The following CREBBP variants were observed in gnomAD, a reference collection of about 807,000 sequenced individuals.
The protein encoded by CREBBP is CREB-binding protein.
Under a neutral mutation model 265.0 loss-of-function variants are expected in CREBBP, and 19 were observed. The ratio of observed to expected loss-of-function variants is 0.07; its 90% confidence interval spans 0.05 to 0.11. CREBBP has a LOEUF of 0.11. Among genes scored for constraint, CREBBP ranks in the 10% least tolerant of loss-of-function variants. The pLI is 1.00. For synonymous variants in CREBBP, 1,457 were observed against 1,223.7 expected, an observed-to-expected ratio of 1.19 and a Z score of -3.98; for missense variants, 2,525 against 3,219.0, an observed-to-expected ratio of 0.78 and a Z score of 5.22.
intron 8 of CREBBP, among the ~76,000 whole-genome samples, chr16:3,779,458 G>A (rs1255815184): frequency 1.3e-5 from 2 of 152,150 alleles, no homozygotes; most frequent in African/African-American, 4.8e-5. Flanking sequence ...ACACGTGGGG[G>A]CCACTGCACC....
chr16:3,774,736 A>G (rs1311254318), intron 11 of CREBBP, 43 bp from the exon 12 acceptor site: 1 of 1,613,560 alleles, frequency 6.2e-7, no homozygotes, highest in African/African-American at 1.3e-5. Context: ...AAGCACCCAC[A>G]GGAAAACAGA....
In CREBBP at chr16:3,880,325, C is replaced by A; in HGVS notation, c.-409G>T. On this transcript the variant is annotated 5_prime_UTR_variant, in exon 1 of 31. Transcript: ENST00000262367. ...GTGCCGCCGCCGCCGCCGCCTCGCT[C>A]CCCCCCCGCGCCCCACTTAATGAAT... 1 of 139,750 alleles carries A rather than the reference C, an allele frequency of 7.2e-6. No homozygotes were observed. Among genetic ancestry groups the A allele is most frequent in the South Asian group, 1.9e-4 (1 of 5,354 alleles). 8.7% of individuals were successfully genotyped at this position (139,750 alleles called of 1,614,324 possible).
rs1046675041 is a variant in CREBBP at position 3,736,952 on chromosome 16, G to A, written c.4395-137C>T. 8 of 1,072,488 alleles carry A rather than the reference G, an allele frequency of 7.5e-6. No homozygotes were observed. The Admixed American group carries it at 7.9e-5, about 11-fold the overall frequency. 66.4% of individuals were successfully genotyped at this position (1,072,488 alleles called of 1,614,324 possible). A position where few individuals can be genotyped will look rare whatever the true frequency, so the allele number is the denominator to read the frequency against. On this transcript the variant is annotated intron_variant, in intron 26 of 30. Coordinates refer to ENST00000262367, the MANE Select transcript of CREBBP (RefSeq NM_004380.3). ...AGAGAGAATGAATGCCCACAAAGCT[G>A]GGTGTGGTGGGGGCAAGGCTCGAAC...
intron 28 of CREBBP, among the ~76,000 whole-genome samples, chr16:3,735,052 A>C (rs1423642554): frequency 1.3e-5 from 2 of 152,004 alleles, no homozygotes; most frequent in African/African-American, 2.4e-5. Flanking sequence ...TACAGCCCAC[A>C]CCCACGCCAC....
At position 3,732,957 on chromosome 16, in the gene CREBBP, C is replaced by T. The variant is rs148636219; in HGVS notation, c.4729-1020G>A. ...TCGGGTGATCCGCCCGCCTGAGCCTCCCAAAGTGCTGAGATTACAGGCATG... is the reference window on the plus strand; with the variant it reads ...TCGGGTGATCCGCCCGCCTGAGCCTTCCAAAGTGCTGAGATTACAGGCATG... On this transcript the variant is annotated intron_variant, in intron 28 of 30. Transcript: ENST00000262367. Among the ~76,000 whole-genome samples the T allele has an allele frequency of 8.6e-3, 1,312 of 152,152 alleles. 59 individuals are homozygous for T. The East Asian group carries it at 0.11, about 13-fold the overall frequency.
At chr16:3,849,068 A>C (rs1178835293) in intron 2 of CREBBP, among the ~76,000 whole-genome samples, 39 of 152,108 alleles carry the variant, frequency 2.6e-4, no homozygotes. Context: ...GGACTAAACA[A>C]ATCCAAAGAA....
intron 2 of CREBBP, among the ~76,000 whole-genome samples, chr16:3,838,230 C>A (rs943278678): frequency 1.1e-4 from 16 of 152,110 alleles, no homozygotes; most frequent in African/African-American, 3.9e-4. Flanking sequence ...ATTGTGGCAC[C>A]GTGTTACAAC....
intron 1 of CREBBP, among the ~76,000 whole-genome samples, chr16:3,864,794 T>C (rs1447748278): frequency 1.3e-5 from 2 of 152,254 alleles, no homozygotes; most frequent in African/African-American, 4.8e-5. Context: ...TGGCTGGGCA[T>C]GGTGGTTCAC....
Position 3,728,531 on chromosome 16 carries a change from G to A in CREBBP, c.6516C>T (p.Asn2172=), listed in dbSNP as rs763852812. Reference sequence around the variant, plus strand: ...TGGGGTTGTGTCCTGGGTTCATGATGTTCAAGGCCTGGCCCTGGGGGTTCA... The same window carrying A: ...TGGGGTTGTGTCCTGGGTTCATGATATTCAAGGCCTGGCCCTGGGGGTTCA... ...GGLNPQGQAL[N]IMNPGHNPNM... Residue 2172 remains asparagine (N), a synonymous_variant, in exon 31 of 31, where the codon AAC becomes AAT. Transcript: ENST00000262367. This position sits in a 1 kb window ranked among gnomAD's most constrained non-coding sequence, Gnocchi z 8.7. 10 of 1,613,966 alleles carry A rather than the reference G, an allele frequency of 6.2e-6. No individual in the cohort carries two copies. The African/African-American group carries it at 1.1e-4, about 17-fold the overall frequency.
chr16:3,821,620 C>A (rs906984330), intron 2 of CREBBP, among the ~76,000 whole-genome samples: 1 of 152,102 alleles, frequency 6.6e-6, no homozygotes, highest in Admixed American at 6.5e-5. Context: ...AGTAGACTCT[C>A]TTCAGGATTA....
chr16:3,746,704 G>A (rs937416428), intron 21 of CREBBP, among the ~76,000 whole-genome samples: 4 of 152,160 alleles, frequency 2.6e-5, no homozygotes, highest in African/African-American at 9.7e-5. Flanking sequence ...CCTAGCATGT[G>A]GAGAGGCTGG....
In CREBBP at chr16:3,729,231, G is replaced by A. The variant is rs1177039725; in HGVS notation, c.5816C>T (p.Thr1939Ile). Reference protein sequence around the residue: ...PPTTVSTGKPTSQVPAPPPPA... With the variant: ...PPTTVSTGKPISQVPAPPPPA... ...GGGTGGGGGGGCCGGCACCTGGCTG[G>A]TAGGCTTCCCTGTGGACACCGTGGT... The change falls in exon 31 of 31, where the codon ACC (threonine) becomes ATC (isoleucine). Residue 1939 changes from threonine (T) to isoleucine (I), a missense_variant. Around this residue, in one of 19 missense-constraint regions of CREBBP, gnomAD observed 275 missense variants for 276.5 expected, o/e 0.99. Transcript: ENST00000262367. 4.6e-6 allele frequency: 7 copies of A among 1,529,878 alleles called. No individual in the cohort carries two copies. The highest frequency in any genetic ancestry group is 6.1e-6 in the Non-Finnish European group (7 of 1,143,956). The allele number at this position is 1,529,878 out of a possible 1,614,324, so 94.8% of individuals were successfully genotyped here. A position where few individuals can be genotyped will look rare whatever the true frequency, so the allele number is the denominator to read the frequency against.
intron 2 of CREBBP, among the ~76,000 whole-genome samples, chr16:3,814,929 A>G (rs1679141750): frequency 6.6e-6 from 1 of 152,222 alleles, no homozygotes; most frequent in Admixed American, 6.5e-5. Flanking sequence ...TAAAGAGGTC[A>G]GCTCTCTCAC....
Position 3,793,296 on chromosome 16 carries a change from G to T in CREBBP, c.1216+90C>A, listed in dbSNP as rs947027190. On this transcript the variant is annotated intron_variant, in intron 4 of 30. Coordinates refer to ENST00000262367, the MANE Select transcript of CREBBP (RefSeq NM_004380.3). ...ATGGAAGGCAGCACTCAGGCTGCCG[G>T]AGCCTTATGAACCAGAGAGCTGCTG... is the stretch of plus-strand genomic sequence containing the variant. 5 of 1,573,308 alleles carry T rather than the reference G, an allele frequency of 3.2e-6. No homozygotes were observed. The African/African-American group carries it at 6.7e-5, about 21-fold the overall frequency.
chr16:3,738,072 C>T (rs1009159603), intron 26 of CREBBP, among the ~76,000 whole-genome samples: 2 of 151,388 alleles, frequency 1.3e-5, no homozygotes, highest in Admixed American at 6.6e-5. Flanking sequence ...AGGTGTGAGC[C>T]ACCGCGCCCG....
chr16:3,761,582 C>A (rs2052719128), intron 16 of CREBBP: 1 of 518,582 alleles, frequency 1.9e-6, no homozygotes. Flanking sequence ...TCTTGACCAA[C>A]CTCCGCAGAC....
In CREBBP at chr16:3,731,319, C is replaced by T. The variant is rs1190311671; in HGVS notation, c.5045G>A (p.Arg1682His). 1.2e-6 allele frequency: 2 copies of T among 1,614,060 alleles called. No individual in the cohort carries two copies. The highest frequency in any genetic ancestry group is 8.5e-7 in the Non-Finnish European group (1 of 1,180,002). The change falls in exon 30 of 31, where the codon CGC becomes CAC. Residue 1682 changes from arginine (R) to histidine (H), a missense_variant. Arg to His is a conservative substitution (Grantham distance 29, BLOSUM62 0). Around this residue, in one of 19 missense-constraint regions of CREBBP, gnomAD observed 62 missense variants for 156.2 expected, o/e 0.40. Transcript: ENST00000262367. This position sits in a 1 kb window ranked among gnomAD's most constrained non-coding sequence, Gnocchi z 7.7. ...GCAGAGCGTGGACCACTTGGAGCGG[C>T]GCAAGGAGGAGAACTCCCAGTGCTT... Reference protein sequence around the residue: ...RDKHWEFSSLRRSKWSTLCML... With the variant: ...RDKHWEFSSLHRSKWSTLCML...
chr16:3,728,993 G>C lies in CREBBP; in HGVS notation c.6054C>G (p.Pro2018=), dbSNP rs768626011. The change falls in exon 31 of 31, where the codon CCC becomes CCG. Residue 2018 remains proline, a synonymous_variant. Coordinates refer to ENST00000262367, the MANE Select transcript of CREBBP (RefSeq NM_004380.3). The surrounding 1 kb of genome is among the most constrained non-coding windows in gnomAD (Gnocchi z 8.7). ...VSGPVMPSMP[P]GQWQQAPLPQ... ...GAAGGGGCGCCTGCTGCCACTGCCC[G>C]GGAGGCATGCTGGGCATGACGGGCC... 6.3e-7 allele frequency: 1 copy of C among 1,595,008 alleles called. No homozygotes were observed. The highest frequency in any genetic ancestry group is 1.3e-5 in the African/African-American group (1 of 74,870).
chr16:3,761,977 T>C (rs774456228), intron 16 of CREBBP, among the ~76,000 whole-genome samples: 1 of 152,318 alleles, frequency 6.6e-6, no homozygotes, highest in Non-Finnish European at 1.5e-5. Flanking sequence ...GAGCTAACAA[T>C]GGATTTCACA....
Sources: allele counts gnomAD v4.1 joint callset (sites outside exome capture counted in the v4.1 genomes callset), GRCh38; gene constraint gnomAD v4.1.1; regional missense constraint gnomAD v4.1.1; non-coding constraint Gnocchi (gnomAD v3.1); transcripts MANE v1.5; gene names NCBI Gene and HGNC (gene_info 2026-07-23, HGNC 2026-07-21).